Variants in BCL9 observed in about 807,000 individuals in gnomAD.
BCL9 encodes the protein B-cell CLL/lymphoma 9 protein.
Under a neutral mutation model 88.5 loss-of-function variants are expected in BCL9, and 25 were observed. The observed-to-expected ratio is 0.28, with a 90% CI of 0.21 to 0.39. The LOEUF (loss-of-function observed/expected upper bound fraction) is 0.39. Ranked by LOEUF, BCL9 falls within the 10% of genes least tolerant of loss-of-function variation. The probability of loss-of-function intolerance (pLI) is 1.00; values close to 1 mark genes in which losing one functional copy is unlikely to be tolerated. For missense variants in BCL9, 1,817 were observed against 1,877.8 expected, an observed-to-expected ratio of 0.97 and a Z score of 0.60; for synonymous variants, 711 against 673.3, an observed-to-expected ratio of 1.06 and a Z score of -0.87.
At chr1:147,567,040 T>C (rs1415345264) in intron 1 of BCL9, among the ~76,000 whole-genome samples, 1 of 152,228 alleles carries the variant, frequency 6.6e-6, no homozygotes, top group Non-Finnish European at 1.5e-5. Context: ...CAAGAACCTC[T>C]TCCAACGTGG....
At chr1:147,552,188 G>T (rs2101475508) in intron 1 of BCL9, among the ~76,000 whole-genome samples, 1 of 152,310 alleles carries the variant, frequency 6.6e-6, no homozygotes, top group South Asian at 2.1e-4. Context: ...ACTTCATGAA[G>T]GAGATGACAT....
rs143970186 is a variant in BCL9 at position 147,618,403 on chromosome 1, G to C, written c.661-413G>C. On this transcript the variant is annotated intron_variant, in intron 7 of 9. Coordinates refer to ENST00000234739, the MANE Select transcript of BCL9 (RefSeq NM_004326.4). The stretch of plus-strand genomic sequence containing the variant: ...TGACAATGAGAAGTCTACATACCCA[G>C]TTATACTTTCAGGGAAAAGAAAAAG... Among the ~76,000 whole-genome samples, 215 of 152,216 alleles carry C rather than the reference G, an allele frequency of 1.4e-3. 1 individual carries two copies. The highest frequency in any genetic ancestry group is 5.0e-3 in the African/African-American group (208 of 41,540).
chr1:147,615,217 A>G (rs1181842394), intron 6 of BCL9, among the ~76,000 whole-genome samples: 1 of 152,166 alleles, frequency 6.6e-6, no homozygotes, highest in Non-Finnish European at 1.5e-5. Context: ...ATTATTTTCT[A>G]AACAACACAA....
chr1:147,603,453 CTCTG>C (rs1657503061), intron 1 of BCL9, among the ~76,000 whole-genome samples: 1 of 152,292 alleles, frequency 6.6e-6, no homozygotes, highest in South Asian at 2.1e-4. Flanking sequence ...AGAATAACTT[CTCTG>C]TCTGCCTTGG....
intron 1 of BCL9, among the ~76,000 whole-genome samples, chr1:147,549,416 C>T (rs1553194584): frequency 6.6e-6 from 1 of 152,026 alleles, no homozygotes; most frequent in East Asian, 1.9e-4. Flanking sequence ...GTTAAGTTTG[C>T]CTATCTTACC....
rs1370458055 is a variant in BCL9, at chr1:147,625,486, TA to T, written c.*528del. On this transcript the variant is annotated 3_prime_UTR_variant, in exon 10 of 10. Coordinates refer to ENST00000234739, the MANE Select transcript of BCL9 (RefSeq NM_004326.4). ...AGAATCCATCTTCAGACCTTTGGAC[TA>T]TTTTCTTTCAACTGCAGTGTATAGA... 4.5e-6 allele frequency: 1 copy of T among 222,204 alleles called. No homozygotes were observed. Among genetic ancestry groups the T allele is most frequent in the East Asian group, 6.5e-5 (1 of 15,440 alleles). The allele number at this position is 222,204 out of a possible 1,614,324, so 13.8% of individuals were successfully genotyped here. A position where few individuals can be genotyped will look rare whatever the true frequency, so the allele number is the denominator to read the frequency against.
At chr1:147,600,049 G>A (rs1355209526) in intron 1 of BCL9, 1 of 150,344 alleles carries the variant, frequency 6.7e-6, no homozygotes, top group Non-Finnish European at 1.5e-5. Context: ...CGTCCGAGGC[G>A]GGGCCGGCTG....
intron 1 of BCL9, among the ~76,000 whole-genome samples, chr1:147,567,022 TAGG>T (rs1360717933): frequency 1.3e-5 from 2 of 152,190 alleles, no homozygotes; most frequent in African/African-American, 2.4e-5. Context: ...GGAAGCTTAA[TAGG>T]AGGACAAGAA....
chr1:147,623,792 T>A (rs1658778147), intron 9 of BCL9, 50 bp from the exon 10 acceptor site: 1 of 1,544,130 alleles, frequency 6.5e-7, no homozygotes, highest in Non-Finnish European at 8.8e-7. Flanking sequence ...ATAGTTTTTC[T>A]GAGTTGATTT....
Position 147,621,065 on chromosome 1 carries a change from T to G in BCL9, c.2902+8T>G. 1 of 1,607,240 alleles carries G rather than the reference T, an allele frequency of 6.2e-7. No homozygotes were observed. Among genetic ancestry groups the G allele is most frequent in the African/African-American group, 1.3e-5 (1 of 74,928 alleles). On this transcript the variant is annotated splice_region_variant and intron_variant, in intron 8 of 9. Coordinates refer to ENST00000234739, the MANE Select transcript of BCL9 (RefSeq NM_004326.4). ...TGGGAAATGTAGAGTCAGGTCAGTA[T>G]GCTTGCATCCTCACAGTTGCACCTA...
At chr1:147,615,085 C>T (rs1658205783) in intron 6 of BCL9, among the ~76,000 whole-genome samples, 1 of 152,136 alleles carries the variant, frequency 6.6e-6, no homozygotes, top group Non-Finnish European at 1.5e-5. Context: ...AGGTGATCTG[C>T]CTGCCTCAGC....
intron 1 of BCL9, among the ~76,000 whole-genome samples, chr1:147,577,016 G>T (rs587651142): frequency 6.6e-6 from 1 of 152,260 alleles, no homozygotes; most frequent in South Asian, 2.1e-4. Flanking sequence ...TTTAGTGCAA[G>T]AAAATTCACA....
chr1:147,565,906 T>G (rs1397279395), intron 1 of BCL9, among the ~76,000 whole-genome samples: 1 of 152,128 alleles, frequency 6.6e-6, no homozygotes, highest in African/African-American at 2.4e-5. Context: ...TTCACCCCCA[T>G]CCTCTTACCA....
chr1:147,596,408 TTTC>T (rs1408119041), intron 1 of BCL9, among the ~76,000 whole-genome samples: 40 of 894 alleles, frequency 0.045, 5 homozygotes, highest in African/African-American at 0.13. Flanking sequence ...CTTTCTTTTT[TTTC>T]TTTTCTTTTT....
chr1:147,546,102 C>T (rs1050421304), intron 1 of BCL9, among the ~76,000 whole-genome samples: 6 of 151,994 alleles, frequency 3.9e-5, no homozygotes, highest in South Asian at 2.1e-4. Flanking sequence ...TTTGGGAGGC[C>T]GAGGCGGGCG....
rs1658558793 is a variant in BCL9, at chr1:147,620,417, C to G, written c.2262C>G (p.Gly754=). 6 of 1,613,872 alleles carry G rather than the reference C, an allele frequency of 3.7e-6. No homozygotes were observed. The Admixed American group carries it at 5.0e-5, about 13-fold the overall frequency. Reference sequence around the variant, plus strand: ...AGATGCTGAAATTACGCCCAGGTGGCTCAGACATGCTGCCTGCTCAGCAGA... The same window carrying G: ...AGATGCTGAAATTACGCCCAGGTGGGTCAGACATGCTGCCTGCTCAGCAGA... The part of the protein sequence containing the change: ...PEEMLKLRPG[G]SDMLPAQQKM... Residue 754 remains glycine, a synonymous_variant, in exon 8 of 10, where the codon GGC becomes GGG. Transcript: ENST00000234739.
chr1:147,566,636 G>A (rs1419304675), intron 1 of BCL9, among the ~76,000 whole-genome samples: 1 of 151,912 alleles, frequency 6.6e-6, no homozygotes. Context: ...GGCGCCTGTA[G>A]TCCCAGCTAG....
At chr1:147,617,646 A>G (rs1553204039) in intron 7 of BCL9, among the ~76,000 whole-genome samples, 1 of 152,230 alleles carries the variant, frequency 6.6e-6, no homozygotes, top group Non-Finnish European at 1.5e-5. Context: ...ATACAACACA[A>G]ATTGTTCATA....
At position 147,566,985 on chromosome 1, in the gene BCL9, C is replaced by T. The variant is rs1385094152; in HGVS notation, c.-478+25311C>T. On this transcript the variant is annotated intron_variant, in intron 1 of 9. Coordinates refer to ENST00000234739, the MANE Select transcript of BCL9 (RefSeq NM_004326.4). ...TAGAAAAAAAGCATTAAATTGGGCC[C>T]TGTGGGAAATAGAGTCTGGGTGGTT... is the stretch of plus-strand genomic sequence containing the variant. Among the ~76,000 whole-genome samples, 5 of 152,058 alleles carry T rather than the reference C, an allele frequency of 3.3e-5. No individual in the cohort carries two copies. In the East Asian group the frequency reaches 9.7e-4, roughly 29 times the overall value.
Sources: allele counts gnomAD v4.1 joint callset (sites outside exome capture counted in the v4.1 genomes callset), GRCh38; gene constraint gnomAD v4.1.1; transcripts MANE v1.5; gene names NCBI Gene and HGNC (gene_info 2026-07-23, HGNC 2026-07-21).